Variants in ULK4 observed in about 807,000 individuals in gnomAD.
ULK4 encodes unc-51 like kinase 4, also known as inactive serine/threonine-protein kinase ULK4.
A neutral mutation model predicts 160.6 loss-of-function variants in ULK4; 133 were observed. The ratio of observed to expected loss-of-function variants is 0.83; its 90% CI spans 0.72 to 0.96. The LOEUF is 0.96. Ranked by LOEUF, ULK4 falls within the 40% of genes least tolerant of loss-of-function variation. ULK4 has a pLI of 0.00. For missense variants in ULK4, 1,580 were observed against 1,499.5 expected (o/e 1.05, Z -0.89); for synonymous variants, 534 against 539.8 (o/e 0.99, Z 0.15).
In ULK4 at chr3:41,383,327, G is replaced by A. The variant is rs908925889; in HGVS notation, c.3678+14752C>T. Among the ~76,000 whole-genome samples the A allele has an allele frequency of 3.3e-5, 5 of 152,178 alleles. No homozygotes were observed. In the East Asian group the frequency reaches 7.7e-4, roughly 24 times the overall value. On this transcript the variant is annotated intron_variant, in intron 35 of 36. Transcript: ENST00000301831. ...TTTGCCAGGTTGGTCTCGAACTCTT[G>A]ACCTAAGGTGATCCACCTGCCTCGG... is the stretch of plus-strand genomic sequence containing the variant.
At chr3:41,406,076 T>C (rs1045346383) in intron 34 of ULK4, among the ~76,000 whole-genome samples, 1 of 152,218 alleles carries the variant, frequency 6.6e-6, no homozygotes, top group Admixed American at 6.5e-5. Context: ...TCCTAGGTTT[T>C]CTTCTAGGAT....
chr3:41,757,010 G>A (rs2038825645), intron 21 of ULK4, among the ~76,000 whole-genome samples: 1 of 151,890 alleles, frequency 6.6e-6, no homozygotes, highest in Non-Finnish European at 1.5e-5. Context: ...TACAAAAAAT[G>A]TTAAATGCCA....
intron 35 of ULK4, among the ~76,000 whole-genome samples, chr3:41,318,967 G>A (rs1396295882): frequency 6.6e-6 from 1 of 152,188 alleles, no homozygotes; most frequent in Non-Finnish European, 1.5e-5. Flanking sequence ...GGAAGAATCA[G>A]TAACACTGAT....
chr3:41,400,593 G>C (rs1254607839), intron 34 of ULK4, among the ~76,000 whole-genome samples: 1 of 152,148 alleles, frequency 6.6e-6, no homozygotes, highest in African/African-American at 2.4e-5. Context: ...AATGTGAGTT[G>C]TTCCCAATTT....
At chr3:41,388,945 A>T (rs1351361569) in intron 35 of ULK4, among the ~76,000 whole-genome samples, 3 of 151,964 alleles carry the variant, frequency 2.0e-5, no homozygotes, top group Admixed American at 6.6e-5. Context: ...GATGGCATTG[A>T]ATCTGTAAAT....
chr3:41,895,222 C>T, intron 16 of ULK4, among the ~76,000 whole-genome samples: 1 of 152,086 alleles, frequency 6.6e-6, no homozygotes, highest in East Asian at 1.9e-4. Flanking sequence ...CCAGCCTGTG[C>T]AACATAGTGA....
intron 21 of ULK4, among the ~76,000 whole-genome samples, chr3:41,768,475 C>T (rs1356497667): frequency 6.6e-6 from 1 of 152,132 alleles, no homozygotes; most frequent in Non-Finnish European, 1.5e-5. Context: ...CCTTGTACTC[C>T]TGAAACAGTC....
chr3:41,752,116 C>A (rs577108125), intron 22 of ULK4, among the ~76,000 whole-genome samples: 90 of 152,262 alleles, frequency 5.9e-4, no homozygotes, highest in African/African-American at 2.0e-3. Context: ...TATATAGAAA[C>A]CAGACTGTGA....
intron 35 of ULK4, among the ~76,000 whole-genome samples, chr3:41,292,808 G>A (rs1271687120): frequency 3.9e-5 from 6 of 152,098 alleles, no homozygotes; most frequent in Admixed American, 2.0e-4. Context: ...GCTGGGTGTG[G>A]TGGTGCATGT....
At chr3:41,733,413 T>C (rs1011606320) in intron 22 of ULK4, among the ~76,000 whole-genome samples, 20 of 152,122 alleles carry the variant, frequency 1.3e-4, no homozygotes, top group African/African-American at 4.1e-4. Context: ...GGAACTGATG[T>C]TCAACATGCT....
chr3:41,882,727 G>C (rs1697568672), intron 17 of ULK4, among the ~76,000 whole-genome samples: 1 of 152,118 alleles, frequency 6.6e-6, no homozygotes, highest in African/African-American at 2.4e-5. Context: ...GACGATGCAG[G>C]AACATCCTCT....
chr3:41,729,687 G>T (rs1459449670), intron 22 of ULK4, among the ~76,000 whole-genome samples: 1 of 152,226 alleles, frequency 6.6e-6, no homozygotes, highest in Non-Finnish European at 1.5e-5. Flanking sequence ...CAGCTGAGCT[G>T]CCAGTCAACC....
intron 8 of ULK4, among the ~76,000 whole-genome samples, chr3:41,914,338 A>C (rs1461125078): frequency 6.6e-6 from 1 of 152,222 alleles, no homozygotes; most frequent in Non-Finnish European, 1.5e-5. Flanking sequence ...CTTATGGTTC[A>C]CTAAAGGAGA....
At chr3:41,872,406 A>G (rs1697130977) in intron 17 of ULK4, among the ~76,000 whole-genome samples, 1 of 152,186 alleles carries the variant, frequency 6.6e-6, no homozygotes, top group Admixed American at 6.5e-5. Context: ...TGCTCTTACT[A>G]TGATTTTTCC....
intron 19 of ULK4, among the ~76,000 whole-genome samples, chr3:41,818,384 T>G (rs1019921436): frequency 2.0e-5 from 3 of 152,214 alleles, no homozygotes; most frequent in African/African-American, 7.2e-5. Flanking sequence ...TTATTTTCAC[T>G]CCCACAATAG....
chr3:41,346,679 C>T (rs1347444766), intron 35 of ULK4, among the ~76,000 whole-genome samples: 1 of 152,146 alleles, frequency 6.6e-6, no homozygotes, highest in African/African-American at 2.4e-5. Context: ...TTGGGAACTA[C>T]TTTTCATAAT....
At chr3:41,872,473 C>A (rs1315203396) in intron 17 of ULK4, among the ~76,000 whole-genome samples, 1 of 152,182 alleles carries the variant, frequency 6.6e-6, no homozygotes, top group Non-Finnish European at 1.5e-5. Context: ...CAGTTCCTTG[C>A]CCCAGGAAGA....
At chr3:41,823,866 A>C (rs114461408) in intron 18 of ULK4, among the ~76,000 whole-genome samples, 1 of 152,122 alleles carries the variant, frequency 6.6e-6, no homozygotes, top group Non-Finnish European at 1.5e-5. Flanking sequence ...GTATTCAGTT[A>C]AAGTATATAC....
chr3:41,378,907 G>C (rs2081581911), intron 35 of ULK4, among the ~76,000 whole-genome samples: 1 of 152,090 alleles, frequency 6.6e-6, no homozygotes. Context: ...CCTTTGTGGG[G>C]ACATGGATGA....
Sources: gnomAD v4.1 joint callset for allele counts (sites outside exome capture counted in the v4.1 genomes callset) on GRCh38, gnomAD v4.1.1 for gene constraint, MANE v1.5 for transcripts, NCBI Gene and HGNC (gene_info 2026-07-23, HGNC 2026-07-21) for gene names.